ABLIM1: variants seen among roughly 807,000 people sequenced by gnomAD.
The protein encoded by ABLIM1 is actin binding LIM protein 1.
A neutral mutation model predicts 107.0 loss-of-function variants in ABLIM1; 40 were observed. The ratio of observed to expected loss-of-function variants is 0.37; its 90% CI spans 0.29 to 0.49. The LOEUF (loss-of-function observed/expected upper bound fraction) is 0.49, where lower values mean the gene tolerates loss of function less well. ABLIM1 is among the 20% of genes least tolerant of loss of function. ABLIM1 has a pLI of 0.97. For synonymous variants in ABLIM1, 357 were observed against 357.3 expected (o/e 1.00, Z 0.01); for missense variants, 857 against 1,008.5 (o/e 0.85, Z 2.04).
chr10:114,587,212 T>G (rs1420363987), intron 2 of ABLIM1, among the ~76,000 whole-genome samples: 1 of 152,218 alleles, frequency 6.6e-6, no homozygotes, highest in Non-Finnish European at 1.5e-5. Context: ...TCTAATAGCT[T>G]TAGATGAACA....
At chr10:114,772,146 G>C (rs1035479185), upstream of ABLIM1, among the ~76,000 whole-genome samples, 3 of 152,074 alleles carry the variant, frequency 2.0e-5, no homozygotes. Flanking sequence ...TAGGCAATGA[G>C]GAAGTCCTGG....
At chr10:114,614,742 C>A (rs1398728326) in intron 1 of ABLIM1, among the ~76,000 whole-genome samples, 1 of 152,040 alleles carries the variant, frequency 6.6e-6, no homozygotes, top group Non-Finnish European at 1.5e-5. Flanking sequence ...AGGAGGGGTT[C>A]AGGGCACAGC....
upstream of ABLIM1, among the ~76,000 whole-genome samples, chr10:114,659,831 G>C (rs181377666): frequency 2.6e-5 from 4 of 152,250 alleles, no homozygotes; most frequent in East Asian, 7.7e-4. Context: ...GAGAGCCTAG[G>C]GTGGAGCCGG....
intron 1 of ABLIM1, among the ~76,000 whole-genome samples, chr10:114,646,363 A>G (rs1409780367): frequency 6.6e-6 from 1 of 152,214 alleles, no homozygotes; most frequent in African/African-American, 2.4e-5. Flanking sequence ...GCAAAAATCA[A>G]AGGAAAAAAT....
intron 2 of ABLIM1, among the ~76,000 whole-genome samples, chr10:114,597,746 G>A (rs968887504): frequency 5.3e-5 from 8 of 152,132 alleles, no homozygotes; most frequent in African/African-American, 1.9e-4. Flanking sequence ...CAGTAAGTCT[G>A]CTGAAAACAG....
chr10:114,791,787 C>T, the ABLIM1 span, among the ~76,000 whole-genome samples: 3 of 152,072 alleles, frequency 2.0e-5, no homozygotes, highest in Admixed American at 2.0e-4. Flanking sequence ...AGACCCCAAT[C>T]AGAGAAATGA....
rs1164587300 is a variant in ABLIM1 at position 114,583,404 on chromosome 10, AACACACACACACACACACACACACAC to A, written c.380-7831_380-7806del. Among the ~76,000 whole-genome samples the A allele has an allele frequency of 1.2e-3, 88 of 71,328 alleles. 1 individual carries two copies. Among genetic ancestry groups the A allele is most frequent in the African/African-American group, 4.2e-3 (72 of 16,990 alleles). 46.8% of individuals were successfully genotyped at this position (71,328 alleles called of 152,430 possible). A position where few individuals can be genotyped will look rare whatever the true frequency, so the allele number is the denominator to read the frequency against. ...TGCTCCAAGGCTGTGGAGAAAAGGGAACACACACACACACACACACACACACACACACACACACACACACACACACA... is the reference window on the plus strand; with the variant it reads ...TGCTCCAAGGCTGTGGAGAAAAGGGAACACACACACACACACACACACACA... On this transcript the variant is annotated intron_variant, in intron 2 of 22. Transcript: ENST00000533213.
intron 6 of ABLIM1, among the ~76,000 whole-genome samples, chr10:114,539,048 A>G (rs886343121): frequency 1.3e-5 from 2 of 152,250 alleles, no homozygotes; most frequent in Admixed American, 6.5e-5. Flanking sequence ...GAATAGATTC[A>G]ACCTCTATCT....
intron 1 of ABLIM1, among the ~76,000 whole-genome samples, chr10:114,633,801 T>G (rs560425868): frequency 6.6e-6 from 1 of 152,294 alleles, no homozygotes; most frequent in East Asian, 1.9e-4. Flanking sequence ...CTCAGAGCCT[T>G]TAAGGAGATG....
the ABLIM1 span, among the ~76,000 whole-genome samples, chr10:114,781,529 T>C: frequency 7.5e-6 from 1 of 133,342 alleles, no homozygotes; most frequent in Admixed American, 8.0e-5. Flanking sequence ...AAGAAAAATA[T>C]GTGTGTGTAT....
chr10:114,717,991 A>AAAGGAAGGAAGG (rs3061776), intron 1 of ABLIM1, among the ~76,000 whole-genome samples: 1,047 of 86,838 alleles, frequency 0.012, 27 homozygotes, highest in African/African-American at 0.025. Context: ...AGAAAGAAAG[A>AAAGGAAGGAAGG]AAGGAAGGAA....
upstream of ABLIM1, among the ~76,000 whole-genome samples, chr10:114,685,731 G>A (rs150825456): frequency 3.3e-5 from 5 of 152,198 alleles, no homozygotes; most frequent in Non-Finnish European, 5.9e-5. Context: ...AAGGCCAGTC[G>A]CATCAACTGA....
At chr10:114,778,930 C>T in the ABLIM1 span, 1 of 152,154 alleles carries the variant, frequency 6.6e-6, no homozygotes, top group Non-Finnish European at 1.5e-5. Context: ...TCACTGGTCT[C>T]CAGCACCCAG....
At chr10:114,639,719 TC>T (rs2078650035) in intron 1 of ABLIM1, among the ~76,000 whole-genome samples, 1 of 152,272 alleles carries the variant, frequency 6.6e-6, no homozygotes, top group Non-Finnish European at 1.5e-5. Flanking sequence ...GCTATTGCCA[TC>T]CTGACATTTG....
intron 1 of ABLIM1, among the ~76,000 whole-genome samples, chr10:114,675,602 A>C (rs1009556729): frequency 9.2e-5 from 14 of 152,204 alleles, no homozygotes; most frequent in Non-Finnish European, 1.5e-5. Flanking sequence ...GAACAGACTA[A>C]TACACCAGCC....
the ABLIM1 span, among the ~76,000 whole-genome samples, chr10:114,794,476 T>TA: frequency 1.2e-4 from 19 of 152,214 alleles, no homozygotes; most frequent in African/African-American, 4.6e-4. Flanking sequence ...TAGGTTCATT[T>TA]AAAAAATCAA....
chr10:114,558,851 CTG>C (rs1479349405), intron 4 of ABLIM1, among the ~76,000 whole-genome samples: 1 of 151,398 alleles, frequency 6.6e-6, no homozygotes, highest in African/African-American at 2.4e-5. Context: ...AACATTAAGA[CTG>C]TTTTGTCACC....
intron 6 of ABLIM1, among the ~76,000 whole-genome samples, chr10:114,534,470 C>T (rs1000821211): frequency 2.9e-5 from 4 of 135,650 alleles, no homozygotes; most frequent in Non-Finnish European, 6.2e-5. Context: ...GAAGCTGCAA[C>T]GGCCCTGGGC....
chr10:114,755,248 A>G (rs1218156982), intron 1 of ABLIM1, among the ~76,000 whole-genome samples: 3 of 152,204 alleles, frequency 2.0e-5, no homozygotes. Flanking sequence ...CTCCCTATGA[A>G]CATCTAATGC....
Sources: gnomAD v4.1 joint callset for allele counts (sites outside exome capture counted in the v4.1 genomes callset) on GRCh38, gnomAD v4.1.1 for gene constraint, MANE v1.5 for transcripts, NCBI Gene and HGNC (gene_info 2026-07-23, HGNC 2026-07-21) for gene names.